The following WWOX variants were observed in gnomAD, a reference collection of about 807,000 sequenced individuals.
WWOX encodes the protein WW domain containing oxidoreductase.
WWOX carries 69 observed loss-of-function variants against 46.2 expected under a neutral mutation model. The ratio of observed to expected loss-of-function variants is 1.49; its 90% confidence interval spans 1.23 to 1.82. The LOEUF (loss-of-function observed/expected upper bound fraction) is 1.82, where lower values mean the gene tolerates loss of function less well. WWOX is among the 40% of genes most tolerant of loss of function. The pLI, the probability that WWOX is intolerant of heterozygous loss-of-function variation, is 0.00. For synonymous variants in WWOX, 359 were observed against 202.6 expected, an observed-to-expected ratio of 1.77 and a Z score of -6.56; for missense variants, 919 against 542.6, an observed-to-expected ratio of 1.69 and a Z score of -6.89.
chr16:79,001,181 A>G (rs1354524958), intron 8 of WWOX, among the ~76,000 whole-genome samples: 1 of 152,194 alleles, frequency 6.6e-6, no homozygotes, highest in African/African-American at 2.4e-5. Flanking sequence ...GCACTTTTGA[A>G]TAAAGGGCCT....
At chr16:78,373,690 T>A (rs1003583211) in intron 5 of WWOX, among the ~76,000 whole-genome samples, 2 of 152,206 alleles carry the variant, frequency 1.3e-5, no homozygotes, top group Non-Finnish European at 2.9e-5. Context: ...GAATTTAAGT[T>A]CATGTTTCTT....
intron 8 of WWOX, among the ~76,000 whole-genome samples, chr16:79,078,589 T>G (rs1252310353): frequency 6.6e-6 from 1 of 152,226 alleles, no homozygotes; most frequent in Non-Finnish European, 1.5e-5. Context: ...CATAGGAGAA[T>G]CTGAGTTCCT....
At chr16:78,150,451 T>A (rs1197551447) in intron 4 of WWOX, among the ~76,000 whole-genome samples, 1 of 152,148 alleles carries the variant, frequency 6.6e-6, no homozygotes, top group Non-Finnish European at 1.5e-5. Flanking sequence ...CAATCATGGC[T>A]CATTACAGCC....
At chr16:78,766,583 G>C (rs756495964) in intron 8 of WWOX, among the ~76,000 whole-genome samples, 29 of 152,190 alleles carry the variant, frequency 1.9e-4, no homozygotes, top group Admixed American at 7.2e-4. Context: ...GGGAGAGCTT[G>C]TCTCCTTGTC....
chr16:78,855,422 TGA>T lies in WWOX; in HGVS notation c.1057-356184_1057-356183del, dbSNP rs1208870789. On this transcript the variant is annotated intron_variant, in intron 8 of 8. Coordinates refer to ENST00000566780, the MANE Select transcript of WWOX (RefSeq NM_016373.4). ...CACTTTTGTTTGAAGACAAATGCAG[TGA>T]GTTTAATCACAGGTGATCTGAAAGG... 7.9e-5 allele frequency among the ~76,000 whole-genome samples: 12 copies of T among 152,204 alleles called. No homozygotes were observed. In the East Asian group the frequency reaches 1.4e-3, roughly 17 times the overall value.
intron 8 of WWOX, among the ~76,000 whole-genome samples, chr16:78,625,613 C>T (rs1418002140): frequency 6.6e-6 from 1 of 151,704 alleles, no homozygotes; most frequent in Non-Finnish European, 1.5e-5. Context: ...ATTATTGATA[C>T]TGAAATATTA....
chr16:78,373,181 C>T (rs1038995766), intron 5 of WWOX, among the ~76,000 whole-genome samples: 25 of 152,100 alleles, frequency 1.6e-4, no homozygotes, highest in Admixed American at 1.5e-3. Flanking sequence ...TTAGCTCTTC[C>T]CTAGAGCTTC....
chr16:79,041,254 C>A (rs2047965341), intron 8 of WWOX, among the ~76,000 whole-genome samples: 1 of 152,158 alleles, frequency 6.6e-6, no homozygotes, highest in Admixed American at 6.5e-5. Context: ...TAATTCTTGG[C>A]TTTCTTCCTT....
intron 8 of WWOX, among the ~76,000 whole-genome samples, chr16:78,545,118 C>G (rs1245942750): frequency 6.6e-6 from 1 of 152,002 alleles, no homozygotes; most frequent in Non-Finnish European, 1.5e-5. Context: ...AAGTACATAC[C>G]CACATTCTGA....
chr16:78,527,562 G>C (rs953603634), intron 8 of WWOX, among the ~76,000 whole-genome samples: 2 of 152,102 alleles, frequency 1.3e-5, no homozygotes, highest in African/African-American at 4.8e-5. Context: ...CCAAAGTGCT[G>C]GGATTACAGG....
At chr16:79,122,605 C>T (rs1483038806) in intron 8 of WWOX, among the ~76,000 whole-genome samples, 6 of 151,314 alleles carry the variant, frequency 4.0e-5, no homozygotes, top group African/African-American at 7.3e-5. Flanking sequence ...TCTTTCCTCC[C>T]TCCCATACTC....
chr16:78,243,733 GGC>G (rs2151821926), intron 5 of WWOX, among the ~76,000 whole-genome samples: 1 of 152,254 alleles, frequency 6.6e-6, no homozygotes, highest in South Asian at 2.1e-4. Context: ...TTTGCGTAGA[GGC>G]AGTGTTTCTC....
chr16:78,382,519 C>G (rs536300159), intron 5 of WWOX, among the ~76,000 whole-genome samples: 1 of 152,298 alleles, frequency 6.6e-6, no homozygotes, highest in Admixed American at 6.5e-5. Flanking sequence ...CTTACTGAAG[C>G]ACATCCTGAT....
intron 8 of WWOX, among the ~76,000 whole-genome samples, chr16:78,852,689 C>T (rs974764501): frequency 1.3e-5 from 2 of 152,104 alleles, no homozygotes; most frequent in African/African-American, 4.8e-5. Flanking sequence ...GAGTAATTTG[C>T]TACACACCAA....
intron 8 of WWOX, among the ~76,000 whole-genome samples, chr16:78,688,996 A>G (rs1252968522): frequency 1.3e-5 from 2 of 152,112 alleles, no homozygotes; most frequent in Non-Finnish European, 2.9e-5. Context: ...CCATGATTGT[A>G]AGTTTCCTGA....
intron 8 of WWOX, among the ~76,000 whole-genome samples, chr16:79,007,592 A>G (rs1004047221): frequency 6.6e-6 from 1 of 152,240 alleles, no homozygotes; most frequent in African/African-American, 2.4e-5. Context: ...TTATATGGCA[A>G]AAGGGAATTT....
At chr16:79,074,665 A>G (rs1422823828) in intron 8 of WWOX, among the ~76,000 whole-genome samples, 2 of 151,904 alleles carry the variant, frequency 1.3e-5, no homozygotes, top group Non-Finnish European at 2.9e-5. Context: ...ATGTTTGTAA[A>G]GAATCTGAGA....
Position 78,350,987 on chromosome 16 carries a change from ATTTTATTGG to A in WWOX, c.517-35872_517-35864del, listed in dbSNP as rs1416037687. On this transcript the variant is annotated intron_variant, in intron 5 of 8. Coordinates refer to ENST00000566780, the MANE Select transcript of WWOX (RefSeq NM_016373.4). Reference sequence around the variant, plus strand: ...TGTCATTTTTCTTTTTAGTCTTGTCATTTTATTGGGTATGAAGCGGTATTGCATTGTGAT... The same window carrying A: ...TGTCATTTTTCTTTTTAGTCTTGTCAGTATGAAGCGGTATTGCATTGTGAT... 1.4e-4 allele frequency among the ~76,000 whole-genome samples: 8 copies of A among 56,204 alleles called. 1 individual carries two copies. The highest frequency in any genetic ancestry group is 4.6e-4 in the Non-Finnish European group (8 of 17,542). 36.9% of individuals were successfully genotyped at this position (56,204 alleles called of 152,430 possible).
At chr16:78,975,485 T>G (rs1258741864) in intron 8 of WWOX, among the ~76,000 whole-genome samples, 1 of 147,364 alleles carries the variant, frequency 6.8e-6, no homozygotes, top group Non-Finnish European at 1.5e-5. Flanking sequence ...TATGGCCCCC[T>G]CCCCCAGGAG....
Sources: allele counts gnomAD v4.1 joint callset (sites outside exome capture counted in the v4.1 genomes callset), GRCh38; gene constraint gnomAD v4.1.1; transcripts MANE v1.5; gene names NCBI Gene and HGNC (gene_info 2026-07-23, HGNC 2026-07-21).